The following MTFR1 variants were observed in gnomAD, a reference collection of about 807,000 sequenced individuals.
The protein encoded by MTFR1 is mitochondrial fission regulator 1, also known as chondrocyte protein with a poly-proline region.
Under a neutral mutation model 38.8 loss-of-function variants are expected in MTFR1, and 28 were observed. The ratio of observed to expected loss-of-function variants is 0.72; its 90% confidence interval spans 0.53 to 0.99. The LOEUF is 0.99. Ranked by LOEUF, MTFR1 falls within the 50% of genes least tolerant of loss-of-function variation. MTFR1 has a pLI of 0.00. For missense variants in MTFR1, 358 were observed against 395.5 expected, an observed-to-expected ratio of 0.91 and a Z score of 0.81; for synonymous variants, 145 against 137.0, an observed-to-expected ratio of 1.06 and a Z score of -0.41.
chr8:65,652,649 T>C (rs1809154175), intron 1 of MTFR1, among the ~76,000 whole-genome samples: 1 of 152,244 alleles, frequency 6.6e-6, no homozygotes, highest in Admixed American at 6.5e-5. Context: ...AATTTATTGA[T>C]TTGTTTTTCA....
At chr8:65,757,792 C>T (rs1339651725) in intron 3 of MTFR1, among the ~76,000 whole-genome samples, 1 of 151,934 alleles carries the variant, frequency 6.6e-6, no homozygotes, top group South Asian at 2.1e-4. Flanking sequence ...CTAACTTTTG[C>T]ATTTTTAGTA....
chr8:65,689,048 G>C (rs981762875), intron 3 of MTFR1, among the ~76,000 whole-genome samples: 1 of 152,120 alleles, frequency 6.6e-6, no homozygotes, highest in African/African-American at 2.4e-5. Context: ...AGGAGGCTGA[G>C]GCAGGAGAAT....
chr8:65,673,149 T>C (rs781421254), intron 2 of MTFR1, among the ~76,000 whole-genome samples: 5 of 152,202 alleles, frequency 3.3e-5, no homozygotes, highest in Non-Finnish European at 4.4e-5. Context: ...CAGTGCTTCT[T>C]TTCACTTGAA....
At chr8:65,699,335 A>G (rs974222945) in intron 4 of MTFR1, among the ~76,000 whole-genome samples, 5 of 152,044 alleles carry the variant, frequency 3.3e-5, no homozygotes, top group Admixed American at 2.0e-4. Flanking sequence ...AGAATGATTT[A>G]TTTTCCTTTA....
At chr8:65,685,255 G>A (rs1805038569) in intron 3 of MTFR1, among the ~76,000 whole-genome samples, 2 of 152,150 alleles carry the variant, frequency 1.3e-5, no homozygotes, top group Non-Finnish European at 2.9e-5. Flanking sequence ...TATTATTATT[G>A]AAAGTCTGAG....
downstream of MTFR1, among the ~76,000 whole-genome samples, chr8:65,711,858 A>G (rs1220181815): frequency 1.3e-5 from 2 of 152,194 alleles, no homozygotes; most frequent in African/African-American, 4.8e-5. Flanking sequence ...GCCCCTTGTT[A>G]AGGTCACAGA....
intron 4 of MTFR1, among the ~76,000 whole-genome samples, chr8:65,701,726 A>G (rs12544767): frequency 0.12 from 18,073 of 152,196 alleles, 2,007 homozygotes; most frequent in East Asian, 0.52. Context: ...AGCATGAAGT[A>G]TAAGATGGAA....
intron 2 of MTFR1, among the ~76,000 whole-genome samples, chr8:65,716,298 C>T (rs1806143599): frequency 6.6e-6 from 1 of 152,154 alleles, no homozygotes; most frequent in African/African-American, 2.4e-5. Flanking sequence ...ATGATCTTTT[C>T]AGTTTCAAAC....
chr8:65,738,162 C>A (rs536213573), intron 3 of MTFR1, among the ~76,000 whole-genome samples: 1 of 151,372 alleles, frequency 6.6e-6, no homozygotes. Flanking sequence ...TAAAAAAAAA[C>A]GATGTATACA....
chr8:65,745,966 C>A (rs1291235418), intron 3 of MTFR1, among the ~76,000 whole-genome samples: 1 of 147,566 alleles, frequency 6.8e-6, no homozygotes, highest in Non-Finnish European at 1.5e-5. Flanking sequence ...CACTCACTGT[C>A]ACCAAGGCTG....
At chr8:65,727,163 C>G (rs756077616) in intron 3 of MTFR1, 1 of 1,474,286 alleles carries the variant, frequency 6.8e-7, no homozygotes. Context: ...GATAAAATTG[C>G]ACTAACCTTG....
intron 7 of MTFR1, 141 bp downstream of exon 7, chr8:65,708,152 G>A (rs2129059938): frequency 6.5e-7 from 1 of 1,540,006 alleles, no homozygotes; most frequent in South Asian, 1.1e-5. Flanking sequence ...TGCCTTACAA[G>A]TAGATCACGG....
chr8:65,774,184 G>A (rs1476996396), downstream of MTFR1, among the ~76,000 whole-genome samples: 1 of 152,190 alleles, frequency 6.6e-6, no homozygotes, highest in Non-Finnish European at 1.5e-5. Flanking sequence ...GAAAAACTAT[G>A]TATTGAATCA....
chr8:65,728,624 C>G (rs1284887434), intron 3 of MTFR1: 1 of 152,076 alleles, frequency 6.6e-6, no homozygotes, highest in African/African-American at 2.4e-5. Flanking sequence ...TCAAGATGAA[C>G]AGAATGCATA....
At chr8:65,752,705 G>T (rs1808023888) in intron 3 of MTFR1, among the ~76,000 whole-genome samples, 1 of 152,096 alleles carries the variant, frequency 6.6e-6, no homozygotes, top group Admixed American at 6.6e-5. Context: ...TTCCTGGAAA[G>T]TTTTCTTGAA....
chr8:65,693,238 T>G (rs1233001502), intron 3 of MTFR1, among the ~76,000 whole-genome samples: 1 of 151,882 alleles, frequency 6.6e-6, no homozygotes, highest in African/African-American at 2.4e-5. Flanking sequence ...TCATCTCTAC[T>G]AAAAACACAA....
chr8:65,654,628 A>G (rs1458182407), intron 1 of MTFR1, among the ~76,000 whole-genome samples: 1 of 152,154 alleles, frequency 6.6e-6, no homozygotes, highest in African/African-American at 2.4e-5. Flanking sequence ...CCCAGAGTGG[A>G]GTACAGTGGC....
intron 3 of MTFR1, among the ~76,000 whole-genome samples, chr8:65,759,410 C>T (rs1295764225): frequency 6.6e-6 from 1 of 152,226 alleles, no homozygotes; most frequent in Non-Finnish European, 1.5e-5. Flanking sequence ...ACACCAAGGT[C>T]CCCACTTCCC....
chr8:65,739,577 T>G, intron 3 of MTFR1: 4 of 1,548,464 alleles, frequency 2.6e-6, no homozygotes, highest in Non-Finnish European at 3.5e-6. Context: ...AAATGAAAGG[T>G]TAAGCTTACT....
Sources: gnomAD v4.1 joint callset for allele counts (sites outside exome capture counted in the v4.1 genomes callset) on GRCh38, gnomAD v4.1.1 for gene constraint, MANE v1.5 for transcripts, NCBI Gene and HGNC (gene_info 2026-07-23, HGNC 2026-07-21) for gene names.